HMCN2: variants seen among roughly 807,000 people sequenced by gnomAD.
HMCN2 encodes hemicentin 2.
In HMCN2, 325 loss-of-function variants were observed where a neutral mutation model predicts 377.5. The observed-to-expected ratio is 0.86, with a 90% CI of 0.79 to 0.94. HMCN2 has a LOEUF of 0.94. Ranked by LOEUF, HMCN2 falls within the 40% of genes least tolerant of loss-of-function variation. HMCN2 has a pLI of 0.00. For missense variants in HMCN2, 4,543 were observed against 4,725.3 expected (o/e 0.96, Z 1.13); for synonymous variants, 2,007 against 2,046.8 (o/e 0.98, Z 0.53).
Position 130,267,435 on chromosome 9 carries a change from A to AACACACACAC in HMCN2, c.259+1331_259+1340dup, listed in dbSNP as rs36122739. ...ACAAACAAACAACCCCCCCAAATAA[A>AACACACACAC]ACACACACACACACACACACACACA... On this transcript the variant is annotated intron_variant, in intron 1 of 97. Coordinates refer to ENST00000683500, the MANE Select transcript of HMCN2 (RefSeq NM_001291815.2). Among the ~76,000 whole-genome samples, 52 of 145,808 alleles carry AACACACACAC rather than the reference A, an allele frequency of 3.6e-4. 2 individuals are homozygous for AACACACACAC. Among genetic ancestry groups the AACACACACAC allele is most frequent in the Non-Finnish European group, 1.3e-4 (9 of 66,786 alleles).
At position 130,308,695 on chromosome 9, in the gene HMCN2, C is replaced by A. The variant is rs1837038284; in HGVS notation, c.2200+1129C>A. Among the ~76,000 whole-genome samples the A allele has an allele frequency of 6.6e-6, 1 of 152,186 alleles. No individual in the cohort carries two copies. The highest frequency in any genetic ancestry group is 1.5e-5 in the Non-Finnish European group (1 of 68,034). ...CCTCACTGCATATTCTGGCCAAGAA[C>A]CCCGTCAACCCAGCCCTAGAGCCCC... On this transcript the variant is annotated intron_variant, in intron 14 of 97. Coordinates refer to ENST00000683500, the MANE Select transcript of HMCN2 (RefSeq NM_001291815.2). This position sits in a 1 kb window ranked among gnomAD's most constrained non-coding sequence, Gnocchi z 4.1.
chr9:130,367,165 T>C (rs1840738764), intron 43 of HMCN2, among the ~76,000 whole-genome samples: 1 of 151,888 alleles, frequency 6.6e-6, no homozygotes, highest in African/African-American at 2.4e-5. Context: ...GGAGCTGCCA[T>C]TACCGAGATG....
At chr9:130,302,815 G>A (rs782718243) in intron 8 of HMCN2, 42 bp from the exon 9 acceptor site, 1 of 418,848 alleles carries the variant, frequency 2.4e-6, no homozygotes, top group East Asian at 7.3e-5. Context: ...TGTGGCAAAG[G>A]GGCGGTGGGG....
intron 85 of HMCN2, among the ~76,000 whole-genome samples, chr9:130,415,839 G>T (rs1278956192): frequency 1.3e-5 from 2 of 152,162 alleles, no homozygotes; most frequent in Admixed American, 1.3e-4. Context: ...CTCAGCCAGG[G>T]CCATGCCGCA....
At chr9:130,372,542 G>A (rs1841081436) in intron 47 of HMCN2, 135 bp downstream of exon 47, 1 of 172,644 alleles carries the variant, frequency 5.8e-6, no homozygotes, top group South Asian at 1.9e-4. Context: ...GAGAAGCTAA[G>A]CCCTGTACAC....
Position 130,303,466 on chromosome 9 carries a change from C to A in HMCN2, c.1422-21C>A. 4.5e-6 allele frequency: 2 copies of A among 443,064 alleles called. No homozygotes were observed. Among genetic ancestry groups the A allele is most frequent in the Non-Finnish European group, 9.5e-6 (2 of 210,828 alleles). 27.4% of individuals were successfully genotyped at this position (443,064 alleles called of 1,614,324 possible). ...TGGGGGTCAGTGTGATTGTGTGTCT[C>A]CCACTGTTCCCTGTTTGCAGGGAGT... On this transcript the variant is annotated intron_variant, in intron 9 of 97. Coordinates refer to ENST00000683500, the MANE Select transcript of HMCN2 (RefSeq NM_001291815.2). The surrounding 1 kb of genome is among the most constrained non-coding windows in gnomAD (Gnocchi z 5.2).
Position 130,393,918 on chromosome 9 carries a change from G to A in HMCN2, c.10411G>A (p.Ala3471Thr). The part of the protein sequence containing the change: ...LEQGPSLQLE[A>T]VGAGDSGTYS... ...GCAGGGGCCCAGCCTGCAGCTGGAG[G>A]CAGTGGGAGCTGGTGACTCGGGGAC... The change falls in exon 68 of 98, where the codon GCA becomes ACA. Residue 3471 changes from alanine to threonine, a missense_variant. Around this residue, in one of 5 missense-constraint regions of HMCN2, gnomAD observed 1,073 missense variants for 1,319.5 expected, o/e 0.81. Transcript: ENST00000683500. This position sits in a 1 kb window ranked among gnomAD's most constrained non-coding sequence, Gnocchi z 5.2. 7.8e-7 allele frequency: 1 copy of A among 1,289,540 alleles called. No individual in the cohort carries two copies. Among genetic ancestry groups the A allele is most frequent in the Non-Finnish European group, 1.0e-6 (1 of 988,796 alleles). The allele number at this position is 1,289,540 out of a possible 1,614,324, so 79.9% of individuals were successfully genotyped here.
chr9:130,322,159 T>A (rs1837884310), intron 19 of HMCN2, among the ~76,000 whole-genome samples: 1 of 152,192 alleles, frequency 6.6e-6, no homozygotes, highest in East Asian at 1.9e-4. Context: ...CTTTTCATAC[T>A]CTATACACAC....
chr9:130,323,280 TC>T (rs1169662770), intron 19 of HMCN2, among the ~76,000 whole-genome samples: 5 of 152,142 alleles, frequency 3.3e-5, no homozygotes, highest in Admixed American at 6.5e-5. Context: ...CTAAAGGAGC[TC>T]CAAGTGCTAG....
chr9:130,371,673 T>C (rs1387631962), intron 46 of HMCN2, among the ~76,000 whole-genome samples: 1 of 152,260 alleles, frequency 6.6e-6, no homozygotes, highest in Non-Finnish European at 1.5e-5. Context: ...CATGATGAGA[T>C]GGCAAATACA....
In HMCN2 at chr9:130,328,139, G is replaced by A. The variant is rs1838244551; in HGVS notation, c.3359+664G>A. On this transcript the variant is annotated intron_variant, in intron 22 of 97. Transcript: ENST00000683500. ...CTCGGAGCAGCCTGCCCTGTAACGT[G>A]ACCCCCGCCCCCACCATGTGTCAGT... 4.6e-5 allele frequency among the ~76,000 whole-genome samples: 7 copies of A among 152,342 alleles called. No individual in the cohort carries two copies. In the South Asian group the frequency reaches 1.4e-3, roughly 32 times the overall value.
intron 17 of HMCN2, 50 bp from the exon 18 acceptor site, chr9:130,320,726 C>T (rs1277445826): frequency 6.6e-6 from 1 of 152,262 alleles, no homozygotes; most frequent in Non-Finnish European, 1.5e-5. Context: ...GTCCCCCAGA[C>T]AACCACCCAG....
intron 25 of HMCN2, among the ~76,000 whole-genome samples, chr9:130,345,354 G>C (rs1839326869): frequency 7.0e-6 from 1 of 142,786 alleles, no homozygotes; most frequent in Non-Finnish European, 1.5e-5. Flanking sequence ...GTGGTGTGTG[G>C]TGTGTATGTG....
At chr9:130,390,015 G>A (rs1023790671) in intron 62 of HMCN2, among the ~76,000 whole-genome samples, 1 of 152,242 alleles carries the variant, frequency 6.6e-6, no homozygotes, top group Non-Finnish European at 1.5e-5. Context: ...TTTTGGCTGA[G>A]ATGCTCAGTG....
At chr9:130,272,980 G>A (rs1445525846) in intron 1 of HMCN2, among the ~76,000 whole-genome samples, 8 of 152,202 alleles carry the variant, frequency 5.3e-5, no homozygotes, top group Middle Eastern at 3.4e-3. Context: ...ATTTTTCTTG[G>A]AATTGTGTTA....
At chr9:130,318,986 C>T (rs895015429) in intron 15 of HMCN2, among the ~76,000 whole-genome samples, 1 of 152,182 alleles carries the variant, frequency 6.6e-6, no homozygotes, top group Non-Finnish European at 1.5e-5. Flanking sequence ...GCCATGCTCC[C>T]CTCCACAGAA....
intron 45 of HMCN2, 55 bp from the exon 46 acceptor site, chr9:130,370,909 A>G: frequency 1.0e-6 from 1 of 969,756 alleles, no homozygotes; most frequent in Non-Finnish European, 1.2e-6. Flanking sequence ...GGGAAGGAGC[A>G]TGAAGCACAC....
chr9:130,391,747 A>T (rs1471951938), intron 65 of HMCN2, among the ~76,000 whole-genome samples, 173 bp downstream of exon 65: 1 of 152,058 alleles, frequency 6.6e-6, no homozygotes, highest in African/African-American at 2.4e-5. Flanking sequence ...TATAGCGGAG[A>T]TTCGGGAGGT....
chr9:130,388,672 GCCC>G (rs35750041), intron 62 of HMCN2, 132 bp downstream of exon 62: 7 of 248,742 alleles, frequency 2.8e-5, no homozygotes, highest in Non-Finnish European at 3.8e-5. Context: ...GTGCCGTGTT[GCCC>G]CCCCCCCCAC....
Sources: allele counts gnomAD v4.1 joint callset (sites outside exome capture counted in the v4.1 genomes callset), GRCh38; gene constraint gnomAD v4.1.1; regional missense constraint gnomAD v4.1.1; non-coding constraint Gnocchi (gnomAD v3.1); transcripts MANE v1.5; gene names NCBI Gene and HGNC (gene_info 2026-07-23, HGNC 2026-07-21).